The following STOX2 variants were observed in gnomAD, a reference collection of about 807,000 sequenced individuals.
STOX2 encodes the protein storkhead-box protein 2.
A neutral mutation model predicts 60.9 loss-of-function variants in STOX2; 28 were observed. The ratio of observed to expected loss-of-function variants is 0.46; its 90% CI spans 0.34 to 0.63. The LOEUF (loss-of-function observed/expected upper bound fraction) is 0.63, where lower values mean the gene tolerates loss of function less well. STOX2 is among the 30% of genes least tolerant of loss of function. The probability of loss-of-function intolerance (pLI) is 0.01; values close to 1 mark genes in which losing one functional copy is unlikely to be tolerated. For missense variants in STOX2, 1,024 were observed against 1,187.7 expected (o/e 0.86, Z 2.03); for synonymous variants, 472 against 463.9 (o/e 1.02, Z -0.22).
At position 183,861,722 on chromosome 4, in the gene STOX2, G is replaced by T. The variant is rs142287267; in HGVS notation, c.364+63667G>T. 8.8e-4 allele frequency among the ~76,000 whole-genome samples: 134 copies of T among 152,274 alleles called. 1 individual carries two copies. Among genetic ancestry groups the T allele is most frequent in the African/African-American group, 2.9e-3 (122 of 41,548 alleles). On this transcript the variant is annotated intron_variant, in intron 1 of 2. Coordinates refer to the STOX2 transcript ENST00000513034. The stretch of plus-strand genomic sequence containing the variant: ...TGCGACAATATATGTAAAGTGCCTC[G>T]CAGGGCGTAGGGCTCATTGTGGGTC...
At chr4:183,816,544 C>G (rs564324117) in intron 1 of STOX2, among the ~76,000 whole-genome samples, 1 of 152,228 alleles carries the variant, frequency 6.6e-6, no homozygotes, top group African/African-American at 2.4e-5. Context: ...CTATTGAGTA[C>G]TGTATTCACT....
rs116609359 is a variant in STOX2 at position 183,967,422 on chromosome 4, T to C, written c.167-33903T>C. Among the ~76,000 whole-genome samples, 480 of 150,384 alleles carry C rather than the reference T, an allele frequency of 3.2e-3. 4 individuals are homozygous for C. The highest frequency in any genetic ancestry group is 0.011 in the African/African-American group (465 of 40,888). ...GAAAGCGGTTAAAGATGATGGGGTGTGCATATGAGTGAGAATGTTTATCAT... is the reference window on the plus strand; with the variant it reads ...GAAAGCGGTTAAAGATGATGGGGTGCGCATATGAGTGAGAATGTTTATCAT... On this transcript the variant is annotated intron_variant, in intron 1 of 3. Coordinates refer to ENST00000308497, the MANE Select transcript of STOX2 (RefSeq NM_020225.3).
At chr4:183,882,056 G>A (rs1442087196) in intron 1 of STOX2, among the ~76,000 whole-genome samples, 2 of 152,252 alleles carry the variant, frequency 1.3e-5, no homozygotes, top group Admixed American at 6.5e-5. Flanking sequence ...TATGTGAGAA[G>A]TATGAGTAAG....
intron 1 of STOX2, among the ~76,000 whole-genome samples, chr4:183,845,200 A>G (rs1739958836): frequency 6.6e-6 from 1 of 152,186 alleles, no homozygotes; most frequent in African/African-American, 2.4e-5. Context: ...AGTCCAGAAG[A>G]CGGAGAGATG....
intron 1 of STOX2, among the ~76,000 whole-genome samples, chr4:183,978,818 A>G (rs1176908750): frequency 6.6e-6 from 1 of 152,176 alleles, no homozygotes; most frequent in Admixed American, 6.5e-5. Context: ...AAGGCACAAC[A>G]TGAAGCAGTT....
rs1740291214 is a variant in STOX2 at position 183,856,610 on chromosome 4, A to G, written c.364+58555A>G. Among the ~76,000 whole-genome samples the G allele has an allele frequency of 6.6e-6, 1 of 152,058 alleles. No homozygotes were observed. Among genetic ancestry groups the G allele is most frequent in the Non-Finnish European group, 1.5e-5 (1 of 68,004 alleles). On this transcript the variant is annotated intron_variant, in intron 1 of 2. Coordinates refer to the STOX2 transcript ENST00000513034. The surrounding 1 kb of genome is among the most constrained non-coding windows in gnomAD (Gnocchi z 4.0). ...ACCTGCCCCTGGCTGACTGCAGCTA[A>G]TGGTAGGGTGGTTCATGTGAACATC...
chr4:184,009,218 G>A lies in STOX2; in HGVS notation c.380G>A (p.Arg127Lys), dbSNP rs376218966. 9 of 1,608,114 alleles carry A rather than the reference G, an allele frequency of 5.6e-6. No homozygotes were observed. Among genetic ancestry groups the A allele is most frequent in the Non-Finnish European group, 7.6e-6 (9 of 1,177,376 alleles). The change falls in exon 3 of 4, where the codon AGG (arginine) becomes AAG (lysine). Residue 127 changes from arginine (R) to lysine (K), a missense_variant. Arg to Lys is a conservative substitution (Grantham distance 26, BLOSUM62 2). Coordinates refer to ENST00000308497, the MANE Select transcript of STOX2 (RefSeq NM_020225.3). This position sits in a 1 kb window ranked among gnomAD's most constrained non-coding sequence, Gnocchi z 4.0. The part of the protein sequence containing the change: ...RHTLNTLVRE[R>K]KIYPTPDGYF... ...ACGCTGAACACGCTGGTACGGGAGA[G>A]GAAGATCTACCCAACTCCAGATGGC...
intron 1 of STOX2, among the ~76,000 whole-genome samples, chr4:183,883,683 A>G (rs1741009969): frequency 6.6e-6 from 1 of 152,066 alleles, no homozygotes; most frequent in South Asian, 2.1e-4. Flanking sequence ...GAGGAAACAA[A>G]CTGTTAAGAA....
At chr4:183,809,128 C>CTGGA (rs1316454732) in intron 1 of STOX2, among the ~76,000 whole-genome samples, 2 of 152,244 alleles carry the variant, frequency 1.3e-5, no homozygotes, top group South Asian at 2.1e-4. Context: ...GTCTCCCAGG[C>CTGGA]TGGAGTACAG....
At chr4:183,844,649 G>C (rs898162023) in intron 1 of STOX2, among the ~76,000 whole-genome samples, 2 of 152,188 alleles carry the variant, frequency 1.3e-5, no homozygotes, top group Non-Finnish European at 2.9e-5. Context: ...TTTAATTGCA[G>C]TTATTAAAAA....
upstream of STOX2, among the ~76,000 whole-genome samples, chr4:183,901,450 A>G (rs1741457115): frequency 6.6e-6 from 1 of 152,274 alleles, no homozygotes; most frequent in African/African-American, 2.4e-5. Flanking sequence ...TTGCTGGATC[A>G]TATGGTAACT....
intron 1 of STOX2, among the ~76,000 whole-genome samples, chr4:183,879,147 GGGGTGAAGGAGT>G (rs1740897543): frequency 2.0e-5 from 3 of 152,276 alleles, no homozygotes; most frequent in African/African-American, 7.2e-5. Context: ...ACGTGTGTAT[GGGGTGAAGGAGT>G]TGGTGAGAAT....
upstream of STOX2, among the ~76,000 whole-genome samples, chr4:183,904,497 T>C (rs967180253): frequency 1.3e-5 from 2 of 152,226 alleles, no homozygotes; most frequent in Non-Finnish European, 2.9e-5. Flanking sequence ...GCAGTTCTCT[T>C]ACAGGAAAGA....
chr4:183,821,254 C>T lies in STOX2; in HGVS notation c.364+23199C>T, dbSNP rs1739297395. ...TTGTACACAGAGGCTTGGTGAGAAC[C>T]CTCCCTTGGCTGGAGGCCCGTGTGT... On this transcript the variant is annotated intron_variant, in intron 1 of 2. Transcript: ENST00000513034. The surrounding 1 kb of genome is among the most constrained non-coding windows in gnomAD (Gnocchi z 4.2). Among the ~76,000 whole-genome samples, 1 of 152,182 alleles carries T rather than the reference C, an allele frequency of 6.6e-6. No homozygotes were observed. The highest frequency in any genetic ancestry group is 1.5e-5 in the Non-Finnish European group (1 of 68,028).
intron 1 of STOX2, among the ~76,000 whole-genome samples, chr4:183,819,476 G>A (rs1205540666): frequency 6.6e-6 from 1 of 151,482 alleles, no homozygotes; most frequent in East Asian, 1.9e-4. Context: ...GGAGGTTGCA[G>A]TGAGCAGAGA....
At chr4:184,006,959 T>C (rs1190348325) in intron 2 of STOX2, among the ~76,000 whole-genome samples, 2 of 126,260 alleles carry the variant, frequency 1.6e-5, no homozygotes, top group Non-Finnish European at 3.1e-5. Context: ...GAGCTTGCAG[T>C]GAGCCGAGAT....
intron 1 of STOX2, among the ~76,000 whole-genome samples, chr4:183,963,524 T>A (rs2111164673): frequency 6.6e-6 from 1 of 151,756 alleles, no homozygotes; most frequent in African/African-American, 2.4e-5. Context: ...CCTCCTGGGT[T>A]CAAACGATTC....
At chr4:183,965,658 G>T (rs962646697) in intron 1 of STOX2, among the ~76,000 whole-genome samples, 6 of 152,136 alleles carry the variant, frequency 3.9e-5, no homozygotes, top group Non-Finnish European at 4.4e-5. Flanking sequence ...TTGGAAAAGG[G>T]GTAAGAGAGG....
rs143861532 is a variant in STOX2, at chr4:183,831,791, A to G, written c.364+33736A>G. Among the ~76,000 whole-genome samples, 838 of 152,204 alleles carry G rather than the reference A, an allele frequency of 5.5e-3. 7 individuals are homozygous for G. Among genetic ancestry groups the G allele is most frequent in the African/African-American group, 0.019 (795 of 41,532 alleles). On this transcript the variant is annotated intron_variant, in intron 1 of 2. Transcript: ENST00000513034. ...AATACATAGATAAATAAATTTTGTT[A>G]AGCTTATCTGCCTTAGTTTCTGTCT...
Sources: gnomAD v4.1 joint callset for allele counts (sites outside exome capture counted in the v4.1 genomes callset) on GRCh38, gnomAD v4.1.1 for gene constraint, Gnocchi (gnomAD v3.1) non-coding constraint, MANE v1.5 for transcripts, NCBI Gene and HGNC (gene_info 2026-07-23, HGNC 2026-07-21) for gene names.